PLEKHA7: variants seen among roughly 807,000 people sequenced by gnomAD.
The protein encoded by PLEKHA7 is pleckstrin homology domain containing A7.
A neutral mutation model predicts 170.0 loss-of-function variants in PLEKHA7; 104 were observed. The observed-to-expected ratio is 0.61, with a 90% CI of 0.52 to 0.72. PLEKHA7 has a LOEUF of 0.72. Ranked by LOEUF, PLEKHA7 falls within the 30% of genes least tolerant of loss-of-function variation. The pLI, the probability that PLEKHA7 is intolerant of heterozygous loss-of-function variation, is 0.00. For synonymous variants in PLEKHA7, 648 were observed against 660.8 expected, an observed-to-expected ratio of 0.98 and a Z score of 0.30; for missense variants, 1,615 against 1,671.7, an observed-to-expected ratio of 0.97 and a Z score of 0.59.
intron 3 of PLEKHA7, among the ~76,000 whole-genome samples, chr11:16,934,849 A>G (rs1860177268): frequency 6.6e-6 from 1 of 152,220 alleles, no homozygotes; most frequent in Non-Finnish European, 1.5e-5. Context: ...ATCCTAATTA[A>G]TATGTAAAAT....
intron 3 of PLEKHA7, among the ~76,000 whole-genome samples, chr11:16,929,747 G>A (rs955689087): frequency 1.3e-5 from 2 of 152,262 alleles, no homozygotes; most frequent in African/African-American, 2.4e-5. Flanking sequence ...GCTCACGCCT[G>A]TAATCCCAGC....
At chr11:16,787,907 C>CA (rs1419775320) in intron 23 of PLEKHA7, 2 of 152,220 alleles carry the variant, frequency 1.3e-5, no homozygotes, top group African/African-American at 4.8e-5. Context: ...GAGCTAGCAG[C>CA]TGCAGAGAGG....
chr11:16,933,628 A>G (rs177560), intron 3 of PLEKHA7, among the ~76,000 whole-genome samples: 136,311 of 152,218 alleles, frequency 0.9, 61,092 homozygotes, highest in African/African-American at 0.94. Flanking sequence ...AAAGGGGAGG[A>G]GAGGTGTTAA....
At chr11:16,995,863 C>A (rs534127689) in intron 3 of PLEKHA7, among the ~76,000 whole-genome samples, 1 of 152,222 alleles carries the variant, frequency 6.6e-6, no homozygotes, top group African/African-American at 2.4e-5. Context: ...GGTTAAAAAC[C>A]ACACGTAAAA....
intron 3 of PLEKHA7, among the ~76,000 whole-genome samples, chr11:16,944,121 AG>A: frequency 6.6e-6 from 1 of 152,180 alleles, no homozygotes; most frequent in African/African-American, 2.4e-5. Context: ...TCGGAGGCCA[AG>A]GTGGGTGGAT....
chr11:16,882,186 G>T (rs1855764558), intron 3 of PLEKHA7, among the ~76,000 whole-genome samples: 1 of 152,128 alleles, frequency 6.6e-6, no homozygotes, highest in Admixed American at 6.6e-5. Context: ...AAAAATACAA[G>T]GGGTTTTGTC....
chr11:16,784,352 G>A (rs1284870171), intron 24 of PLEKHA7, among the ~76,000 whole-genome samples: 4 of 152,144 alleles, frequency 2.6e-5, no homozygotes, highest in Admixed American at 2.0e-4. Context: ...CTAATGCAGG[G>A]ACTTAGTACT....
chr11:16,810,810 A>G (rs776352780), intron 13 of PLEKHA7, among the ~76,000 whole-genome samples: 2 of 152,130 alleles, frequency 1.3e-5, no homozygotes, highest in Non-Finnish European at 2.9e-5. Context: ...TTAAGAGAGG[A>G]TGTGGGGCAA....
intron 8 of PLEKHA7, among the ~76,000 whole-genome samples, chr11:16,844,496 G>A (rs1852227655): frequency 6.6e-6 from 1 of 152,190 alleles, no homozygotes; most frequent in South Asian, 2.1e-4. Flanking sequence ...AAAGTATCCT[G>A]AGCCTAGGAC....
At chr11:16,802,435 C>T (rs967882134) in intron 15 of PLEKHA7, among the ~76,000 whole-genome samples, 1 of 152,198 alleles carries the variant, frequency 6.6e-6, no homozygotes, top group Non-Finnish European at 1.5e-5. Context: ...TGGAGCTCCT[C>T]TCCCAGGCTC....
chr11:16,813,178 G>A lies in PLEKHA7; in HGVS notation c.1954-12C>T. The A allele has an allele frequency of 6.2e-7, 1 of 1,612,082 alleles. No homozygotes were observed. The highest frequency in any genetic ancestry group is 2.2e-5 in the East Asian group (1 of 44,816). ...TAGGTATCATCAGCCTTCAAATGAA[G>A]CAGAGAGGAAAAAACACAGTTATGA... On this transcript the variant is annotated splice_polypyrimidine_tract_variant and intron_variant, in intron 12 of 26. Coordinates refer to ENST00000531066, the MANE Select transcript of PLEKHA7 (RefSeq NM_001329630.2).
intron 4 of PLEKHA7, among the ~76,000 whole-genome samples, chr11:16,863,016 C>T (rs192695280): frequency 6.6e-6 from 1 of 152,262 alleles, no homozygotes; most frequent in East Asian, 1.9e-4. Flanking sequence ...ACAGGACAGA[C>T]TCCTGTGGGA....
chr11:16,942,644 T>C (rs953960565), intron 3 of PLEKHA7, among the ~76,000 whole-genome samples: 1 of 152,146 alleles, frequency 6.6e-6, no homozygotes, highest in Non-Finnish European at 1.5e-5. Flanking sequence ...AGGCCAAAGA[T>C]GATAAGGAAG....
intron 3 of PLEKHA7, among the ~76,000 whole-genome samples, chr11:16,902,196 A>G (rs1386678135): frequency 1.3e-5 from 2 of 152,220 alleles, no homozygotes; most frequent in Non-Finnish European, 2.9e-5. Flanking sequence ...TCCTATGGCC[A>G]GATAATATTC....
chr11:16,818,791 CTTTT>C (rs11401977), intron 10 of PLEKHA7, among the ~76,000 whole-genome samples: 1 of 148,652 alleles, frequency 6.7e-6, no homozygotes, highest in African/African-American at 2.5e-5. Context: ...TATTTTCTTT[CTTTT>C]TTTTTTCTCT....
intron 3 of PLEKHA7, among the ~76,000 whole-genome samples, chr11:17,010,377 C>T (rs909286670): frequency 6.2e-5 from 9 of 144,530 alleles, no homozygotes; most frequent in Non-Finnish European, 1.1e-4. Context: ...GGCGACAGAG[C>T]AAAGCTGTCT....
intron 3 of PLEKHA7, among the ~76,000 whole-genome samples, chr11:16,951,818 T>C (rs1336106966): frequency 2.0e-5 from 3 of 152,256 alleles, no homozygotes; most frequent in Non-Finnish European, 4.4e-5. Flanking sequence ...TGAGACTGGA[T>C]GATAAAGTGC....
chr11:17,001,884 T>C (rs557161660), intron 3 of PLEKHA7, among the ~76,000 whole-genome samples: 28 of 152,370 alleles, frequency 1.8e-4, no homozygotes, highest in African/African-American at 3.4e-4. Flanking sequence ...GGCGAGGCTC[T>C]GTCTTGGCAA....
intron 3 of PLEKHA7, among the ~76,000 whole-genome samples, chr11:16,931,957 G>A (rs1859969958): frequency 6.6e-6 from 1 of 152,126 alleles, no homozygotes; most frequent in Non-Finnish European, 1.5e-5. Flanking sequence ...ATTTTAAAAG[G>A]ATGAAGATGG....
Sources: gnomAD v4.1 joint callset for allele counts (sites outside exome capture counted in the v4.1 genomes callset) on GRCh38, gnomAD v4.1.1 for gene constraint, MANE v1.5 for transcripts, NCBI Gene and HGNC (gene_info 2026-07-23, HGNC 2026-07-21) for gene names.